Variants in STK33 observed in about 807,000 individuals in gnomAD.
STK33 encodes serine/threonine-protein kinase 33.
Under a neutral mutation model 58.0 loss-of-function variants are expected in STK33, and 52 were observed. The ratio of observed to expected loss-of-function variants is 0.90; its 90% CI spans 0.72 to 1.13. STK33 has a LOEUF of 1.13. Among genes scored for constraint, STK33 ranks in the 50% most tolerant of loss-of-function variants. STK33 has a pLI of 0.00. For missense variants in STK33, 630 were observed against 604.2 expected (o/e 1.04, Z -0.45); for synonymous variants, 215 against 200.1 (o/e 1.07, Z -0.63).
chr11:8,582,162 G>T (rs2030448263), intron 1 of STK33, among the ~76,000 whole-genome samples: 1 of 151,924 alleles, frequency 6.6e-6, no homozygotes, highest in Admixed American at 6.5e-5. Flanking sequence ...GCTCTATTTT[G>T]AAGACTTAAC....
chr11:8,492,271 CA>C (rs1037431609), intron 1 of STK33, among the ~76,000 whole-genome samples: 36 of 143,412 alleles, frequency 2.5e-4, no homozygotes, highest in Non-Finnish European at 3.1e-4. Flanking sequence ...AAATGGAAAA[CA>C]AAAAAAAAAG....
chr11:8,343,841 C>A, the STK33 span, among the ~76,000 whole-genome samples: 1 of 152,190 alleles, frequency 6.6e-6, no homozygotes, highest in Non-Finnish European at 1.5e-5. Flanking sequence ...GGCCTCAGCT[C>A]TCACCCCTCA....
At chr11:8,467,370 T>C (rs1486298531) in intron 6 of STK33, 2 of 153,474 alleles carry the variant, frequency 1.3e-5, no homozygotes, top group Admixed American at 1.3e-4. Flanking sequence ...ATACCCTAAA[T>C]CATCTCTCTC....
At chr11:8,426,832 G>A (rs543114435) in intron 14 of STK33, among the ~76,000 whole-genome samples, 19 of 151,798 alleles carry the variant, frequency 1.3e-4, no homozygotes, top group African/African-American at 2.2e-4. Context: ...TGTTATTTCA[G>A]TTTCTCCCAC....
intron 1 of STK33, among the ~76,000 whole-genome samples, chr11:8,492,017 T>A (rs886188434): frequency 6.6e-6 from 1 of 152,160 alleles, no homozygotes; most frequent in East Asian, 1.9e-4. Flanking sequence ...CCATCAATGC[T>A]AGGAAGAAAC....
rs770231329 is a variant in STK33, at chr11:8,440,692, G to A, written c.933C>T (p.Val311=). 1.5e-5 allele frequency: 24 copies of A among 1,565,548 alleles called. No individual in the cohort carries two copies. The highest frequency in any genetic ancestry group is 2.7e-5 in the African/African-American group (2 of 73,956). Residue 311 remains valine, a synonymous_variant, in exon 12 of 16, where the codon GTC becomes GTT. Coordinates refer to ENST00000687296, the MANE Select transcript of STK33 (RefSeq NM_001352389.2). ...AGGCTACTTACAACATGTACATTACGACGCCTATGCTCCAAATGTCACACT... is the reference window on the plus strand; with the variant it reads ...AGGCTACTTACAACATGTACATTACAACGCCTATGCTCCAAATGTCACACT... ...SQQCDIWSIG[V]VMYMLLRGEP...
chr11:8,424,024 C>A (rs1942334719), intron 14 of STK33, among the ~76,000 whole-genome samples: 1 of 151,798 alleles, frequency 6.6e-6, no homozygotes, highest in South Asian at 2.1e-4. Context: ...TTTTAGGGTA[C>A]ATGTGCACAT....
At position 8,454,734 on chromosome 11, in the gene STK33, C is replaced by T. The variant is rs747683161; in HGVS notation, c.786+10G>A. 4 of 1,563,560 alleles carry T rather than the reference C, an allele frequency of 2.6e-6. No individual in the cohort carries two copies. The highest frequency in any genetic ancestry group is 3.8e-5 in the Admixed American group (2 of 52,978). ...TACAGGCAAATATTTACCACCATTG[C>T]TAATCTTACCTTTATGTTTAAGTTT... On this transcript the variant is annotated intron_variant, in intron 10 of 15. Transcript: ENST00000687296.
chr11:8,413,099 GGC>G (rs1380664645), intron 15 of STK33, among the ~76,000 whole-genome samples: 1 of 152,086 alleles, frequency 6.6e-6, no homozygotes, highest in Admixed American at 6.5e-5. Flanking sequence ...GGCCAAATTT[GGC>G]ATGCCATCTG....
At chr11:8,580,800 G>C (rs10743078) in intron 1 of STK33, 91,595 of 151,762 alleles carry the variant, frequency 0.6, 27,941 homozygotes, top group African/African-American at 0.66. Flanking sequence ...AAAAGAAAAC[G>C]TTGTTCACAG....
intron 2 of STK33, among the ~76,000 whole-genome samples, chr11:8,479,365 G>A (rs746892074): frequency 8.6e-5 from 13 of 151,368 alleles, no homozygotes; most frequent in Admixed American, 3.3e-4. Context: ...CCCAGAAGGC[G>A]GAGATTGCAG....
the STK33 span, among the ~76,000 whole-genome samples, chr11:8,358,185 A>G: frequency 2.0e-5 from 3 of 152,320 alleles, no homozygotes; most frequent in East Asian, 5.8e-4. Flanking sequence ...GTGGCCGCAG[A>G]GCCGGGCTGA....
intron 3 of STK33, 54 bp from the exon 4 acceptor site, chr11:8,476,805 C>T (rs796636191): frequency 1.4e-4 from 21 of 152,262 alleles, no homozygotes; most frequent in African/African-American, 4.8e-4. Context: ...GCATGCAAAG[C>T]CATCCGGTTC....
At chr11:8,360,730 C>T in the STK33 span, among the ~76,000 whole-genome samples, 1 of 152,248 alleles carries the variant, frequency 6.6e-6, no homozygotes, top group Non-Finnish European at 1.5e-5. Context: ...CCCAGCATTG[C>T]TCCCAGCTTC....
intron 1 of STK33, among the ~76,000 whole-genome samples, chr11:8,564,207 GTA>G (rs1957302331): frequency 6.6e-6 from 1 of 152,194 alleles, no homozygotes; most frequent in Non-Finnish European, 1.5e-5. Flanking sequence ...GTGGAAGTAA[GTA>G]TATAGATTTG....
the STK33 span, among the ~76,000 whole-genome samples, chr11:8,374,195 A>T: frequency 2.0e-5 from 3 of 151,704 alleles, no homozygotes; most frequent in East Asian, 5.8e-4. Flanking sequence ...GGCTCCCACT[A>T]CCTCTCACCT....
the STK33 span, among the ~76,000 whole-genome samples, chr11:8,359,320 T>A: frequency 6.6e-6 from 1 of 152,312 alleles, no homozygotes; most frequent in Non-Finnish European, 1.5e-5. Context: ...TTGAGGGAAA[T>A]GCATGCTGAA....
At chr11:8,565,493 A>G (rs750370827) in intron 1 of STK33, among the ~76,000 whole-genome samples, 4 of 151,556 alleles carry the variant, frequency 2.6e-5, no homozygotes, top group Non-Finnish European at 4.4e-5. Context: ...GAGTTCAAAT[A>G]TCAGTTCTGC....
At chr11:8,517,657 A>G (rs1952930145) in intron 1 of STK33, among the ~76,000 whole-genome samples, 1 of 152,242 alleles carries the variant, frequency 6.6e-6, no homozygotes, top group South Asian at 2.1e-4. Flanking sequence ...GACCTGATGG[A>G]GCTGAAAATC....
Sources: allele counts gnomAD v4.1 joint callset (sites outside exome capture counted in the v4.1 genomes callset), GRCh38; gene constraint gnomAD v4.1.1; transcripts MANE v1.5; gene names NCBI Gene and HGNC (gene_info 2026-07-23, HGNC 2026-07-21).